ADAMTS18: variants seen among roughly 807,000 people sequenced by gnomAD.
ADAMTS18 encodes ADAM metallopeptidase with thrombospondin type 1 motif 18, also known as A disintegrin and metalloproteinase with thrombospondin motifs 18.
A neutral mutation model predicts 165.9 loss-of-function variants in ADAMTS18; 157 were observed. That is an observed-to-expected ratio of 0.95 (90% CI 0.83 to 1.08). The LOEUF (loss-of-function observed/expected upper bound fraction) is 1.08. Ranked by LOEUF, ADAMTS18 falls within the 50% of genes least tolerant of loss-of-function variation. The probability of loss-of-function intolerance (pLI) is 0.00; values close to 1 mark genes in which losing one functional copy is unlikely to be tolerated. For missense variants in ADAMTS18, 2,040 were observed against 1,534.0 expected (o/e 1.33, Z -5.51); for synonymous variants, 782 against 578.2 (o/e 1.35, Z -5.06).
At chr16:77,305,397 C>G (rs1031641726) in intron 16 of ADAMTS18, among the ~76,000 whole-genome samples, 3 of 152,270 alleles carry the variant, frequency 2.0e-5, no homozygotes, top group East Asian at 3.9e-4. Context: ...AATCCACCCT[C>G]AAAAACTGCT....
intron 3 of ADAMTS18, among the ~76,000 whole-genome samples, chr16:77,369,140 T>C (rs9933962): frequency 0.26 from 39,711 of 152,194 alleles, 5,855 homozygotes; most frequent in East Asian, 0.57. Context: ...TCAAAGTCTA[T>C]GCTTTATTGA....
At chr16:77,334,186 AGT>A (rs2056244982) in intron 12 of ADAMTS18, among the ~76,000 whole-genome samples, 1 of 74,054 alleles carries the variant, frequency 1.4e-5, no homozygotes, top group Non-Finnish European at 2.4e-5. Context: ...TATAATATAT[AGT>A]GTTATATATT....
At chr16:77,374,142 C>A (rs566213765) in intron 3 of ADAMTS18, among the ~76,000 whole-genome samples, 1 of 151,706 alleles carries the variant, frequency 6.6e-6, no homozygotes, top group Admixed American at 6.6e-5. Flanking sequence ...TGGCTTGACC[C>A]CAGGAGGAGC....
chr16:77,419,816 T>A (rs559603484), intron 3 of ADAMTS18, among the ~76,000 whole-genome samples: 1 of 151,746 alleles, frequency 6.6e-6, no homozygotes, highest in Non-Finnish European at 1.5e-5. Context: ...CTGGCCAACA[T>A]GGTGAAACCC....
intron 3 of ADAMTS18, among the ~76,000 whole-genome samples, chr16:77,368,682 A>G (rs776030985): frequency 6.6e-6 from 1 of 152,072 alleles, no homozygotes; most frequent in Non-Finnish European, 1.5e-5. Context: ...AAGTGCTCAG[A>G]TTACAGGTGT....
chr16:77,372,159 T>C (rs745359989), intron 3 of ADAMTS18, among the ~76,000 whole-genome samples: 5 of 152,148 alleles, frequency 3.3e-5, no homozygotes, highest in Non-Finnish European at 5.9e-5. Context: ...CTGCTACACA[T>C]TGTGGGCAGG....
intron 3 of ADAMTS18, among the ~76,000 whole-genome samples, chr16:77,376,604 T>C (rs1020729701): frequency 6.6e-6 from 1 of 152,218 alleles, no homozygotes; most frequent in African/African-American, 2.4e-5. Flanking sequence ...TGCTTCTTCC[T>C]GCATTGTGTT....
At chr16:77,287,653 G>A (rs1453870756) in intron 22 of ADAMTS18, among the ~76,000 whole-genome samples, 7 of 152,070 alleles carry the variant, frequency 4.6e-5, no homozygotes, top group Non-Finnish European at 7.4e-5. Context: ...TATATTCTTA[G>A]TAGAGACGGG....
intron 3 of ADAMTS18, among the ~76,000 whole-genome samples, chr16:77,414,057 G>A (rs1397769423): frequency 1.3e-5 from 2 of 152,132 alleles, no homozygotes; most frequent in African/African-American, 4.8e-5. Context: ...CCCATATAAT[G>A]GGTGCATATT....
At chr16:77,414,622 G>A (rs1031855316) in intron 3 of ADAMTS18, among the ~76,000 whole-genome samples, 1 of 152,140 alleles carries the variant, frequency 6.6e-6, no homozygotes, top group Non-Finnish European at 1.5e-5. Flanking sequence ...AGATGGTAGA[G>A]TTCCACACAT....
chr16:77,375,278 T>C (rs1326944130), intron 3 of ADAMTS18, among the ~76,000 whole-genome samples: 1 of 151,822 alleles, frequency 6.6e-6, no homozygotes, highest in African/African-American at 2.4e-5. Context: ...CACCTCAGCC[T>C]CCCAAAGTGC....
intron 16 of ADAMTS18, among the ~76,000 whole-genome samples, chr16:77,311,228 G>A (rs1299373742): frequency 2.0e-5 from 3 of 152,202 alleles, no homozygotes; most frequent in Non-Finnish European, 2.9e-5. Context: ...GGCCAAAAGA[G>A]ATGGTGCTTT....
At chr16:77,338,706 C>G (rs547036805) in intron 11 of ADAMTS18, among the ~76,000 whole-genome samples, 17 of 151,994 alleles carry the variant, frequency 1.1e-4, no homozygotes, top group South Asian at 6.3e-4. Context: ...GTAATCCCAG[C>G]ACTTTGGGAG....
chr16:77,361,897 A>G (rs1012238122), intron 7 of ADAMTS18, among the ~76,000 whole-genome samples: 1 of 151,526 alleles, frequency 6.6e-6, no homozygotes, highest in Non-Finnish European at 1.5e-5. Flanking sequence ...ATTAAAAAAA[A>G]TACAAAATGA....
At chr16:77,314,705 C>A (rs1367268408) in intron 16 of ADAMTS18, among the ~76,000 whole-genome samples, 1 of 117,528 alleles carries the variant, frequency 8.5e-6, no homozygotes, top group African/African-American at 3.3e-5. Context: ...GGGCCTAAGG[C>A]TGAACTTGAC....
chr16:77,351,853 G>A (rs2056560842), intron 10 of ADAMTS18, among the ~76,000 whole-genome samples: 1 of 151,984 alleles, frequency 6.6e-6, no homozygotes, highest in Non-Finnish European at 1.5e-5. Flanking sequence ...CCCTGCCTCA[G>A]CCTCCCTAGT....
Position 77,283,960 on chromosome 16 carries a change from A to G in ADAMTS18, c.3662T>C (p.Ile1221Thr). ...KQCCKSCTRK[I>T] ...GTGCTGGGGAGGACACCAAGATCAG[A>G]TCTTCCTTGTGCATGACTTGCAGCA... Residue 1221 changes from isoleucine (I) to threonine (T), a missense_variant, in exon 23 of 23, where the codon ATC (isoleucine) becomes ACC (threonine). Physicochemically the swap from Ile to Thr is moderately conservative, Grantham distance 89. Transcript: ENST00000282849. 6.2e-7 allele frequency: 1 copy of G among 1,613,254 alleles called. No homozygotes were observed. The highest frequency in any genetic ancestry group is 8.5e-7 in the Non-Finnish European group (1 of 1,179,340).
chr16:77,407,200 G>A (rs548944204), intron 3 of ADAMTS18, among the ~76,000 whole-genome samples: 2 of 152,112 alleles, frequency 1.3e-5, no homozygotes, highest in Admixed American at 1.3e-4. Context: ...ATACCTATCT[G>A]TAGCAGAAAA....
intron 13 of ADAMTS18, among the ~76,000 whole-genome samples, chr16:77,322,973 T>C (rs946815827): frequency 6.6e-6 from 1 of 152,130 alleles, no homozygotes; most frequent in African/African-American, 2.4e-5. Context: ...AGAAAAGGCA[T>C]ACGGTTAGTC....
Sources: allele counts gnomAD v4.1 joint callset (sites outside exome capture counted in the v4.1 genomes callset), GRCh38; gene constraint gnomAD v4.1.1; transcripts MANE v1.5; gene names NCBI Gene and HGNC (gene_info 2026-07-23, HGNC 2026-07-21).